Variants in NAALADL2 observed in about 807,000 individuals in gnomAD.
NAALADL2 encodes the protein N-acetylated alpha-linked acidic dipeptidase like 2, also known as inactive N-acetylated-alpha-linked acidic dipeptidase-like protein 2.
A neutral mutation model predicts 87.2 loss-of-function variants in NAALADL2; 76 were observed. The ratio of observed to expected loss-of-function variants is 0.87; its 90% CI spans 0.72 to 1.05. The LOEUF (loss-of-function observed/expected upper bound fraction) is 1.05. Among genes scored for constraint, NAALADL2 ranks in the 50% least tolerant of loss-of-function variants. The pLI is 0.00. For synonymous variants in NAALADL2, 354 were observed against 331.0 expected (o/e 1.07, Z -0.75); for missense variants, 1,089 against 945.8 (o/e 1.15, Z -1.99).
At position 175,718,142 on chromosome 3, in the gene NAALADL2, G is replaced by A. The variant is rs1025836180; in HGVS notation, c.1897-19164G>A. 21 of 1,097,850 alleles carry A rather than the reference G, an allele frequency of 1.9e-5. No homozygotes were observed. In the African/African-American group the frequency reaches 2.2e-4, roughly 11 times the overall value. The allele number at this position is 1,097,850 out of a possible 1,614,324, so 68.0% of individuals were successfully genotyped here. On this transcript the variant is annotated intron_variant, in intron 11 of 13. Transcript: ENST00000454872. Reference sequence around the variant, plus strand: ...AGACGTATCTAGAAAATTTACTACTGTGGAAAATGAAGACTGATTAAATCG... The same window carrying A: ...AGACGTATCTAGAAAATTTACTACTATGGAAAATGAAGACTGATTAAATCG...
At chr3:174,816,504 T>C (rs971094071) in intron 3 of NAALADL2, among the ~76,000 whole-genome samples, 5 of 131,164 alleles carry the variant, frequency 3.8e-5, no homozygotes, top group African/African-American at 1.2e-4. Context: ...TACATTATTT[T>C]ATACATTTAT....
chr3:175,403,929 G>A (rs1201323452), intron 5 of NAALADL2, among the ~76,000 whole-genome samples: 1 of 152,030 alleles, frequency 6.6e-6, no homozygotes, highest in Non-Finnish European at 1.5e-5. Flanking sequence ...TGTTAAACAT[G>A]TTCACAGCTT....
chr3:175,001,823 T>G (rs1164821413), intron 1 of NAALADL2, among the ~76,000 whole-genome samples: 1 of 152,158 alleles, frequency 6.6e-6, no homozygotes, highest in Admixed American at 6.6e-5. Context: ...AATCTAAAAC[T>G]TTTTTAGTGC....
chr3:175,652,743 G>T lies in NAALADL2; in HGVS notation c.1896+25357G>T, dbSNP rs377301699. Among the ~76,000 whole-genome samples the T allele has an allele frequency of 2.5e-4, 38 of 152,236 alleles. No homozygotes were observed. In the East Asian group the frequency reaches 4.6e-3, roughly 19 times the overall value. ...TCCGCCCGCCTCGGCCTCCCAAAGTGCTGAGGACTGTTTATTTTCAAAGTG... is the reference window on the plus strand; with the variant it reads ...TCCGCCCGCCTCGGCCTCCCAAAGTTCTGAGGACTGTTTATTTTCAAAGTG... On this transcript the variant is annotated intron_variant, in intron 11 of 13. Transcript: ENST00000454872.
chr3:175,788,086 C>CTT (rs1560015802), intron 13 of NAALADL2, among the ~76,000 whole-genome samples: 1 of 136,388 alleles, frequency 7.3e-6, no homozygotes. Context: ...AGTTTTTTAC[C>CTT]TGTTTTTTTT....
At chr3:175,789,831 C>T (rs1489424101) in intron 13 of NAALADL2, among the ~76,000 whole-genome samples, 1 of 151,960 alleles carries the variant, frequency 6.6e-6, no homozygotes, top group Non-Finnish European at 1.5e-5. Flanking sequence ...CAGATAGTAC[C>T]ACACATCTTA....
intron 2 of NAALADL2, among the ~76,000 whole-genome samples, chr3:175,168,877 A>G (rs533668477): frequency 6.6e-6 from 1 of 151,984 alleles, no homozygotes; most frequent in Non-Finnish European, 1.5e-5. Context: ...TTTGCTATCA[A>G]CATTTAAGGG....
intron 9 of NAALADL2, among the ~76,000 whole-genome samples, chr3:175,574,019 G>A (rs1718495504): frequency 6.6e-6 from 1 of 152,094 alleles, no homozygotes; most frequent in South Asian, 2.1e-4. Flanking sequence ...TTTAATTGAT[G>A]TTTAACTTTG....
chr3:174,953,297 T>TCCTCTCCCCCCCCCCCCCC (rs1740651836), intron 1 of NAALADL2, among the ~76,000 whole-genome samples: 13 of 59,316 alleles, frequency 2.2e-4, no homozygotes, highest in Non-Finnish European at 3.2e-4. Flanking sequence ...CTTTCTTGCC[T>TCCTCTCCCCCCCCCCCCCC]CCCCTCCCCT....
chr3:174,669,797 A>C (rs1726349908), intron 2 of NAALADL2, among the ~76,000 whole-genome samples: 1 of 151,988 alleles, frequency 6.6e-6, no homozygotes, highest in Non-Finnish European at 1.5e-5. Flanking sequence ...TTTTTGATAC[A>C]TAGTTAATTG....
At chr3:175,336,761 A>T (rs1317591287) in intron 5 of NAALADL2, among the ~76,000 whole-genome samples, 1 of 152,194 alleles carries the variant, frequency 6.6e-6, no homozygotes, top group African/African-American at 2.4e-5. Flanking sequence ...CCTCAGCATG[A>T]TCTGTTCCAG....
chr3:175,678,102 T>G (rs60559451), intron 11 of NAALADL2, among the ~76,000 whole-genome samples: 1 of 152,190 alleles, frequency 6.6e-6, no homozygotes, highest in Non-Finnish European at 1.5e-5. Context: ...AAGGTGTATG[T>G]TCTCATGTCA....
At chr3:174,865,506 A>G (rs555171965) in intron 1 of NAALADL2, among the ~76,000 whole-genome samples, 10 of 151,994 alleles carry the variant, frequency 6.6e-5, no homozygotes, top group Non-Finnish European at 1.5e-4. Flanking sequence ...CTCTTTATTT[A>G]TGACCTTTAA....
intron 11 of NAALADL2, among the ~76,000 whole-genome samples, chr3:175,637,482 T>C (rs765884335): frequency 6.6e-6 from 1 of 152,160 alleles, no homozygotes; most frequent in Non-Finnish European, 1.5e-5. Flanking sequence ...GGTGTTTGGA[T>C]CATGGAGGCG....
intron 2 of NAALADL2, among the ~76,000 whole-genome samples, chr3:175,124,024 ATCAGAT>A (rs1168389166): frequency 6.6e-6 from 1 of 151,898 alleles, no homozygotes; most frequent in Non-Finnish European, 1.5e-5. Flanking sequence ...TACTTTCCAA[ATCAGAT>A]TGCAGACCTC....
chr3:174,847,841 C>T (rs1193544190), intron 3 of NAALADL2, among the ~76,000 whole-genome samples: 8 of 150,554 alleles, frequency 5.3e-5, no homozygotes, highest in Admixed American at 5.3e-4. Context: ...TTTCTTGGAA[C>T]TATAATTTCA....
At chr3:175,156,435 ATGAT>A (rs1732339040) in intron 2 of NAALADL2, among the ~76,000 whole-genome samples, 1 of 152,114 alleles carries the variant, frequency 6.6e-6, no homozygotes. Context: ...TATGTGATCA[ATGAT>A]TGATTATGCT....
chr3:174,444,643 C>T (rs547433997), intron 1 of NAALADL2, among the ~76,000 whole-genome samples: 1 of 152,242 alleles, frequency 6.6e-6, no homozygotes, highest in African/African-American at 2.4e-5. Flanking sequence ...TCTCACCTCC[C>T]GTGGAGCTTA....
chr3:175,381,705 T>G (rs1487442136), intron 5 of NAALADL2, among the ~76,000 whole-genome samples: 1 of 152,200 alleles, frequency 6.6e-6, no homozygotes, highest in East Asian at 1.9e-4. Flanking sequence ...TATGGTTAAA[T>G]TTTTTGTTTT....
Sources: allele counts gnomAD v4.1 joint callset (sites outside exome capture counted in the v4.1 genomes callset), GRCh38; gene constraint gnomAD v4.1.1; transcripts MANE v1.5; gene names NCBI Gene and HGNC (gene_info 2026-07-23, HGNC 2026-07-21).